KAZN: variants seen among roughly 807,000 people sequenced by gnomAD.
KAZN encodes kazrin, periplakin interacting protein.
In KAZN, 40 loss-of-function variants were observed where a neutral mutation model predicts 87.4. The ratio of observed to expected loss-of-function variants is 0.46; its 90% CI spans 0.36 to 0.60. The LOEUF is 0.60. Among genes scored for constraint, KAZN ranks in the 20% least tolerant of loss-of-function variants. KAZN has a pLI of 0.00. For missense variants in KAZN, 898 were observed against 1,073.9 expected (o/e 0.84, Z 2.29); for synonymous variants, 466 against 458.3 (o/e 1.02, Z -0.22).
intron 5 of KAZN, among the ~76,000 whole-genome samples, chr1:15,059,943 G>A (rs1638635848): frequency 6.6e-6 from 1 of 152,204 alleles, no homozygotes. Flanking sequence ...GCTGGTGGAG[G>A]AGGGTTCATT....
chr1:14,931,177 C>T (rs895669884), intron 1 of KAZN, among the ~76,000 whole-genome samples: 2 of 152,090 alleles, frequency 1.3e-5, no homozygotes, highest in Non-Finnish European at 2.9e-5. Context: ...TGGCTCACAC[C>T]TGTAGTCCCA....
chr1:14,485,563 C>T (rs532375324), intron 2 of KAZN, among the ~76,000 whole-genome samples: 6 of 152,232 alleles, frequency 3.9e-5, no homozygotes, highest in Admixed American at 3.9e-4. Flanking sequence ...GTTACTACCC[C>T]CACCCTGCAT....
At chr1:14,952,880 A>C (rs1349606467) in intron 1 of KAZN, among the ~76,000 whole-genome samples, 1 of 152,162 alleles carries the variant, frequency 6.6e-6, no homozygotes, top group Non-Finnish European at 1.5e-5. Flanking sequence ...AACCTTCCGG[A>C]GAGTTTCCAC....
chr1:14,031,910 C>A (rs1289092128), intron 1 of KAZN, among the ~76,000 whole-genome samples: 1 of 152,134 alleles, frequency 6.6e-6, no homozygotes, highest in Non-Finnish European at 1.5e-5. Context: ...TTAACAAAAC[C>A]ATCTTCATAC....
chr1:15,065,027 CTTTTTTT>C (rs780410306), intron 7 of KAZN, among the ~76,000 whole-genome samples: 2 of 102,752 alleles, frequency 1.9e-5, no homozygotes, highest in Non-Finnish European at 3.7e-5. Flanking sequence ...CTTTTTCTTT[CTTTTTTT>C]TTTTTTTTTT....
At chr1:14,660,282 T>C (rs1266944990) in intron 1 of KAZN, among the ~76,000 whole-genome samples, 2 of 152,118 alleles carry the variant, frequency 1.3e-5, no homozygotes, top group Non-Finnish European at 2.9e-5. Context: ...AGACGAATAA[T>C]AACATTTATT....
At chr1:14,509,635 C>A (rs993019566) in intron 2 of KAZN, among the ~76,000 whole-genome samples, 3 of 152,202 alleles carry the variant, frequency 2.0e-5, no homozygotes, top group Non-Finnish European at 4.4e-5. Flanking sequence ...ATTCCGTGAG[C>A]TTGCATCACA....
intron 2 of KAZN, among the ~76,000 whole-genome samples, chr1:14,363,802 AC>A (rs1310068630): frequency 2.0e-5 from 3 of 152,144 alleles, no homozygotes; most frequent in Non-Finnish European, 4.4e-5. Flanking sequence ...GAAGTTTGTT[AC>A]CCCCTGCTCT....
chr1:14,656,731 G>A (rs1638816186), intron 1 of KAZN, among the ~76,000 whole-genome samples: 2 of 152,194 alleles, frequency 1.3e-5, no homozygotes, highest in South Asian at 4.1e-4. Context: ...TAAACCACCA[G>A]ATCTCGTGAG....
At chr1:14,090,163 A>G (rs1371226347) in intron 1 of KAZN, among the ~76,000 whole-genome samples, 2 of 152,020 alleles carry the variant, frequency 1.3e-5, no homozygotes, top group Non-Finnish European at 2.9e-5. Flanking sequence ...TGTAATTTTC[A>G]TTAAAATTAG....
At position 13,993,903 on chromosome 1, in the gene KAZN, T is replaced by C. The variant is rs1639395770; in HGVS notation, c.91+100147T>C. ...AAATGGAGTCATAGTTTTATGTCAA[T>C]CCCTTTAATAAGAACATTGGGTGAA... On this transcript the variant is annotated intron_variant, in intron 1 of 16. Coordinates refer to the KAZN transcript ENST00000636203. Among the ~76,000 whole-genome samples the C allele has an allele frequency of 2.0e-5, 3 of 152,210 alleles. No homozygotes were observed. In the South Asian group the frequency reaches 6.2e-4, roughly 32 times the overall value.
intron 1 of KAZN, among the ~76,000 whole-genome samples, chr1:14,822,272 G>A (rs1646756116): frequency 6.6e-6 from 1 of 152,208 alleles, no homozygotes; most frequent in African/African-American, 2.4e-5. Flanking sequence ...GGCAGGGAAA[G>A]AGGCTGGACT....
chr1:14,762,547 A>T (rs1219476539), intron 1 of KAZN, among the ~76,000 whole-genome samples: 1 of 152,070 alleles, frequency 6.6e-6, no homozygotes, highest in African/African-American at 2.4e-5. Flanking sequence ...AACATGGTGA[A>T]ACCCCGTCTC....
chr1:14,447,415 A>G (rs574205177), intron 2 of KAZN, among the ~76,000 whole-genome samples: 135 of 151,466 alleles, frequency 8.9e-4, no homozygotes, highest in African/African-American at 3.2e-3. Flanking sequence ...ATTTTTTTGT[A>G]TTTTTAGTAG....
At chr1:14,208,620 C>T (rs1391384177) in intron 2 of KAZN, among the ~76,000 whole-genome samples, 1 of 152,068 alleles carries the variant, frequency 6.6e-6, no homozygotes, top group Non-Finnish European at 1.5e-5. Flanking sequence ...AGTAAAGTGC[C>T]CTGAATGTCT....
intron 1 of KAZN, among the ~76,000 whole-genome samples, chr1:14,168,634 G>A (rs576413180): frequency 1.3e-5 from 2 of 152,228 alleles, no homozygotes; most frequent in East Asian, 1.9e-4. Context: ...GTACAAAACT[G>A]GATCGTATAT....
In KAZN at chr1:15,114,564, G is replaced by T. The variant is rs763717826; in HGVS notation, c.2257G>T (p.Asp753Tyr). The change falls in exon 15 of 15, where the codon GAT (aspartate) becomes TAT (tyrosine). Residue 753 changes from aspartate to tyrosine, a missense_variant. Physicochemically the swap from Asp to Tyr is radical, Grantham distance 160 (BLOSUM62 -3). Coordinates refer to ENST00000376030, the MANE Select transcript of KAZN (RefSeq NM_201628.3). The stretch of plus-strand genomic sequence containing the variant: ...TCTTCAAAACGAAGATTGCGGAGAC[G>T]ATGACCCCCAGAGCAGGCTGGAACA... ...GSLQNEDCGD[D>Y]DPQSRLEQCR... is the part of the protein sequence containing the mutation. 1.2e-6 allele frequency: 2 copies of T among 1,607,622 alleles called. No individual in the cohort carries two copies. The highest frequency in any genetic ancestry group is 1.7e-6 in the Non-Finnish European group (2 of 1,176,976).
intron 2 of KAZN, among the ~76,000 whole-genome samples, chr1:14,371,874 A>G (rs2101018700): frequency 6.6e-6 from 1 of 152,346 alleles, no homozygotes; most frequent in East Asian, 1.9e-4. Context: ...TAGTTTTCAC[A>G]ATGGCGGTGA....
chr1:14,033,481 A>T (rs1244464969), intron 1 of KAZN, among the ~76,000 whole-genome samples: 1 of 152,214 alleles, frequency 6.6e-6, no homozygotes, highest in Non-Finnish European at 1.5e-5. Flanking sequence ...AATCTCAGAC[A>T]TTGCCGTCTC....
Sources: gnomAD v4.1 joint callset for allele counts (sites outside exome capture counted in the v4.1 genomes callset) on GRCh38, gnomAD v4.1.1 for gene constraint, MANE v1.5 for transcripts, NCBI Gene and HGNC (gene_info 2026-07-23, HGNC 2026-07-21) for gene names.